ANTXR1: variants seen among roughly 807,000 people sequenced by gnomAD.
ANTXR1 encodes anthrax toxin receptor 1.
A neutral mutation model predicts 78.1 loss-of-function variants in ANTXR1; 19 were observed. That is an observed-to-expected ratio of 0.24 (90% CI 0.17 to 0.36). The LOEUF (loss-of-function observed/expected upper bound fraction) is 0.36, where lower values mean the gene tolerates loss of function less well. Ranked by LOEUF, ANTXR1 falls within the 10% of genes least tolerant of loss-of-function variation. The pLI, the probability that ANTXR1 is intolerant of heterozygous loss-of-function variation, is 1.00. For synonymous variants in ANTXR1, 273 were observed against 260.5 expected, an observed-to-expected ratio of 1.05 and a Z score of -0.46; for missense variants, 518 against 718.6, an observed-to-expected ratio of 0.72 and a Z score of 3.19.
At chr2:69,190,548 ATTTAAT>A (rs954240349) in intron 16 of ANTXR1, among the ~76,000 whole-genome samples, 18 of 152,208 alleles carry the variant, frequency 1.2e-4, no homozygotes, top group African/African-American at 4.3e-4. Flanking sequence ...TAACTTCAAT[ATTTAAT>A]TTTAAGTCTT....
intron 7 of ANTXR1, among the ~76,000 whole-genome samples, chr2:69,076,885 A>G (rs908450873): frequency 6.6e-6 from 1 of 152,230 alleles, no homozygotes; most frequent in Non-Finnish European, 1.5e-5. Context: ...CCTGGCCCTC[A>G]GTTTCCTGCT....
Position 69,126,245 on chromosome 2 carries a change from G to C in ANTXR1, c.951+1602G>C, listed in dbSNP as rs186194397. Among the ~76,000 whole-genome samples, 324 of 152,280 alleles carry C rather than the reference G, an allele frequency of 2.1e-3. 4 individuals are homozygous for C. Among genetic ancestry groups the C allele is most frequent in the Non-Finnish European group, 4.4e-4 (30 of 68,024 alleles). ...GAGCAAACCAATTTTCTTGAAAGCAGGGTAACCCATTGTAAAGGTACAGAT... is the reference window on the plus strand; with the variant it reads ...GAGCAAACCAATTTTCTTGAAAGCACGGTAACCCATTGTAAAGGTACAGAT... On this transcript the variant is annotated intron_variant, in intron 12 of 17. Coordinates refer to ENST00000303714, the MANE Select transcript of ANTXR1 (RefSeq NM_032208.3).
intron 16 of ANTXR1, among the ~76,000 whole-genome samples, chr2:69,186,526 AAC>A (rs1308796357): frequency 2.6e-5 from 4 of 152,208 alleles, no homozygotes. Context: ...GAGTTGAACT[AAC>A]AGAGATGTGG....
chr2:69,211,195 A>G (rs537973050), intron 17 of ANTXR1, among the ~76,000 whole-genome samples: 1 of 152,332 alleles, frequency 6.6e-6, no homozygotes, highest in East Asian at 1.9e-4. Flanking sequence ...TTACACATGC[A>G]TGCATATGTA....
intron 16 of ANTXR1, among the ~76,000 whole-genome samples, chr2:69,185,056 C>T (rs919393529): frequency 6.6e-6 from 1 of 152,192 alleles, no homozygotes; most frequent in Non-Finnish European, 1.5e-5. Context: ...CTTCATCAGT[C>T]CTGACTCTTG....
chr2:69,047,000 C>T (rs1232842358), intron 3 of ANTXR1, among the ~76,000 whole-genome samples: 1 of 152,150 alleles, frequency 6.6e-6, no homozygotes, highest in African/African-American at 2.4e-5. Flanking sequence ...GATCCTTGAA[C>T]AACATTTTGA....
At chr2:69,104,332 T>C in intron 10 of ANTXR1, among the ~76,000 whole-genome samples, 1 of 152,194 alleles carries the variant, frequency 6.6e-6, no homozygotes, top group Admixed American at 6.5e-5. Flanking sequence ...AAACCCACTT[T>C]AGTAGTTAAA....
At position 69,147,762 on chromosome 2, in the gene ANTXR1, TGTGG is replaced by T. The variant is rs552113214; in HGVS notation, c.952-4402_952-4399del. Among the ~76,000 whole-genome samples the T allele has an allele frequency of 2.0e-5, 3 of 152,322 alleles. No individual in the cohort carries two copies. The South Asian group carries it at 6.2e-4, about 32-fold the overall frequency. ...GTGAACATATAAAAATAAATATGTCTGTGGGTGGTATGTGGAGGTCTTGAGTGAG... is the reference window on the plus strand; with the variant it reads ...GTGAACATATAAAAATAAATATGTCTGTGGTATGTGGAGGTCTTGAGTGAG... On this transcript the variant is annotated intron_variant, in intron 12 of 17. Coordinates refer to ENST00000303714, the MANE Select transcript of ANTXR1 (RefSeq NM_032208.3).
At chr2:69,068,745 A>T (rs1418543381) in intron 3 of ANTXR1, among the ~76,000 whole-genome samples, 1 of 152,244 alleles carries the variant, frequency 6.6e-6, no homozygotes, top group African/African-American at 2.4e-5. Context: ...ACATTCTTGC[A>T]GCCTTATGGA....
At chr2:69,159,345 A>C (rs1401544565) in intron 13 of ANTXR1, among the ~76,000 whole-genome samples, 2 of 152,184 alleles carry the variant, frequency 1.3e-5, no homozygotes, top group Non-Finnish European at 2.9e-5. Context: ...GAGCCGAGGC[A>C]GGAGGATCAC....
intron 12 of ANTXR1, chr2:69,145,344 T>C (rs1673192268): frequency 6.3e-7 from 1 of 1,599,006 alleles, no homozygotes; most frequent in African/African-American, 1.3e-5. Flanking sequence ...CAAAATTGCA[T>C]CAGGCCCCAC....
Position 69,013,434 on chromosome 2 carries a change from T to C in ANTXR1, c.-66T>C, listed in dbSNP as rs2103967927. 2.6e-6 allele frequency: 4 copies of C among 1,566,244 alleles called. No homozygotes were observed. The highest frequency in any genetic ancestry group is 3.9e-5 in the Admixed American group (2 of 51,450). On this transcript the variant is annotated 5_prime_UTR_variant, in exon 1 of 18. It removes the in-frame stop codon of an upstream open reading frame in the 5' UTR. Transcript: ENST00000303714. The surrounding 1 kb of genome is among the most constrained non-coding windows in gnomAD (Gnocchi z 5.0). ...GAAGGGCCCGCGGATGGCGCGTCCC[T>C]GAGGGTCGTGGCGAGTTCGCGGAGC...
intron 10 of ANTXR1, among the ~76,000 whole-genome samples, chr2:69,108,072 C>A (rs1671867459): frequency 6.6e-6 from 1 of 152,196 alleles, no homozygotes; most frequent in African/African-American, 2.4e-5. Context: ...TAGCCACAAG[C>A]CACATGTGGC....
chr2:69,214,304 A>C (rs925787502), intron 17 of ANTXR1, among the ~76,000 whole-genome samples: 3 of 152,246 alleles, frequency 2.0e-5, no homozygotes, highest in African/African-American at 4.8e-5. Context: ...TGGGACAAGA[A>C]GACAAGTGAC....
At position 69,172,385 on chromosome 2, in the gene ANTXR1, CAAG is replaced by C. The variant is rs766309772; in HGVS notation, c.1089+2105_1089+2107del. The C allele has an allele frequency of 2.4e-5, 38 of 1,611,996 alleles. No homozygotes were observed. In the East Asian group the frequency reaches 4.7e-4, roughly 20 times the overall value. On this transcript the variant is annotated intron_variant, in intron 14 of 17. Coordinates refer to ENST00000303714, the MANE Select transcript of ANTXR1 (RefSeq NM_032208.3). ...TTGGCAGGAAAATAAAATAAAATAACAAGAAGAAGAAAGAAAGAAATCCCACAG... is the reference window on the plus strand; with the variant it reads ...TTGGCAGGAAAATAAAATAAAATAACAAGAAGAAAGAAAGAAATCCCACAG...
intron 1 of ANTXR1, among the ~76,000 whole-genome samples, chr2:69,029,840 T>C (rs1671475356): frequency 6.6e-6 from 1 of 152,002 alleles, no homozygotes; most frequent in Admixed American, 6.6e-5. Flanking sequence ...AAGGAATGGC[T>C]CTAGAAAAGT....
chr2:69,077,380 T>A, intron 7 of ANTXR1, 28 bp from the exon 8 acceptor site: 1 of 1,610,846 alleles, frequency 6.2e-7, no homozygotes, highest in Non-Finnish European at 8.5e-7. Context: ...AGTCTCCCCA[T>A]GTGTTTGTGT....
chr2:69,192,388 T>G (rs1362010314), intron 16 of ANTXR1, among the ~76,000 whole-genome samples: 1 of 152,074 alleles, frequency 6.6e-6, no homozygotes, highest in African/African-American at 2.4e-5. Context: ...ATGGCCGCCC[T>G]CCATTTCCAA....
intron 12 of ANTXR1, chr2:69,145,244 G>T (rs1673189685): frequency 2.1e-6 from 3 of 1,399,388 alleles, no homozygotes; most frequent in Non-Finnish European, 3.0e-6. Flanking sequence ...TCACTTGCAT[G>T]GGTCCCTGCT....
Sources: allele counts gnomAD v4.1 joint callset (sites outside exome capture counted in the v4.1 genomes callset), GRCh38; gene constraint gnomAD v4.1.1; non-coding constraint Gnocchi (gnomAD v3.1); transcripts MANE v1.5; gene names NCBI Gene and HGNC (gene_info 2026-07-23, HGNC 2026-07-21).